HNRNPUL1: variants seen among roughly 807,000 people sequenced by gnomAD.
HNRNPUL1 encodes the protein heterogeneous nuclear ribonucleoprotein U-like protein 1.
Under a neutral mutation model 108.5 loss-of-function variants are expected in HNRNPUL1, and 14 were observed. The ratio of observed to expected loss-of-function variants is 0.13; its 90% CI spans 0.09 to 0.20. The LOEUF (loss-of-function observed/expected upper bound fraction) is 0.20. Among genes scored for constraint, HNRNPUL1 ranks in the 10% least tolerant of loss-of-function variants. The pLI is 1.00. For synonymous variants in HNRNPUL1, 422 were observed against 445.2 expected (o/e 0.95, Z 0.66); for missense variants, 804 against 1,168.3 (o/e 0.69, Z 4.55).
chr19:41,300,443 T>G (rs546332914), intron 10 of HNRNPUL1, among the ~76,000 whole-genome samples: 1 of 152,296 alleles, frequency 6.6e-6, no homozygotes, highest in East Asian at 1.9e-4. Flanking sequence ...TAAAAACTCC[T>G]TACTCCGTTT....
intron 5 of HNRNPUL1, chr19:41,278,478 T>C (rs2035708830): frequency 6.6e-6 from 1 of 152,116 alleles, no homozygotes; most frequent in Non-Finnish European, 1.5e-5. Flanking sequence ...TGTGCACATA[T>C]ATACATCCAA....
chr19:41,284,794 A>G (rs2036117293), intron 7 of HNRNPUL1, among the ~76,000 whole-genome samples: 2 of 152,104 alleles, frequency 1.3e-5, no homozygotes, highest in African/African-American at 2.4e-5. Context: ...TCAGGAGATC[A>G]AGACCATCCT....
Position 41,292,610 on chromosome 19 carries a change from G to A in HNRNPUL1, c.1266+99G>A, listed in dbSNP as rs968642332. Reference sequence around the variant, plus strand: ...CAGACTTGCTGCGAGAGTAGCCTTGGGGCAAGTGGCCACTTTGTCCCAGCT... The same window carrying A: ...CAGACTTGCTGCGAGAGTAGCCTTGAGGCAAGTGGCCACTTTGTCCCAGCT... On this transcript the variant is annotated intron_variant, in intron 8 of 14. Transcript: ENST00000392006. The surrounding 1 kb of genome is among the most constrained non-coding windows in gnomAD (Gnocchi z 4.1). 8 of 1,452,780 alleles carry A rather than the reference G, an allele frequency of 5.5e-6. No individual in the cohort carries two copies. In the African/African-American group the frequency reaches 9.7e-5, roughly 18 times the overall value. The allele number at this position is 1,452,780 out of a possible 1,614,324, so 90.0% of individuals were successfully genotyped here.
chr19:41,279,145 C>G lies in HNRNPUL1; in HGVS notation c.855C>G (p.Gly285=). Residue 285 remains glycine (G), a synonymous_variant, in exon 6 of 15, where the codon GGC becomes GGG. Transcript: ENST00000392006. ...TEPDPHVVRI[G]WSLDSCSTQL... ...CTGACCCCCACGTGGTCCGTATCGG[C>G]TGGTCCCTGGACTCCTGCAGCACCC... The G allele has an allele frequency of 6.2e-7, 1 of 1,613,738 alleles. No homozygotes were observed. The highest frequency in any genetic ancestry group is 1.7e-5 in the Admixed American group (1 of 60,022).
Position 41,292,492 on chromosome 19 carries a change from A to C in HNRNPUL1, c.1247A>C (p.Lys416Thr). Residue 416 changes from lysine (K) to threonine (T), a missense_variant, in exon 8 of 15, where the codon AAG becomes ACG. Lys to Thr is a moderately conservative substitution (Grantham distance 78, BLOSUM62 -1). Around this residue, in one of 4 missense-constraint regions of HNRNPUL1, gnomAD observed 80 missense variants for 221.8 expected, o/e 0.36. Transcript: ENST00000392006. The surrounding 1 kb of genome is among the most constrained non-coding windows in gnomAD (Gnocchi z 4.1). ...SERIRGTVGP[K>T]SKAECEILMM... ...CGTATCCGGGGCACCGTTGGACCAAAGAGCAAGGCAGAATGTGAGGTGAGT... is the reference window on the plus strand; with the variant it reads ...CGTATCCGGGGCACCGTTGGACCAACGAGCAAGGCAGAATGTGAGGTGAGT... 1 of 1,611,406 alleles carries C rather than the reference A, an allele frequency of 6.2e-7. No individual in the cohort carries two copies. Among genetic ancestry groups the C allele is most frequent in the South Asian group, 1.1e-5 (1 of 91,052 alleles).
intron 11 of HNRNPUL1, 150 bp from the exon 12 acceptor site, chr19:41,302,515 G>T (rs766538342): frequency 9.7e-7 from 1 of 1,030,192 alleles, no homozygotes; most frequent in Non-Finnish European, 1.5e-6. Flanking sequence ...CACCGCGCCC[G>T]CCCTTCTGTC....
chr19:41,282,851 G>A (rs1032150286), intron 7 of HNRNPUL1, among the ~76,000 whole-genome samples: 14 of 150,974 alleles, frequency 9.3e-5, no homozygotes, highest in African/African-American at 2.4e-4. Context: ...CACTACGCCC[G>A]GCTAATTTTT....
At chr19:41,303,328 C>T (rs941624270) in intron 12 of HNRNPUL1, among the ~76,000 whole-genome samples, 5 of 151,414 alleles carry the variant, frequency 3.3e-5, no homozygotes, top group South Asian at 4.2e-4. Context: ...TCATGGCTGT[C>T]ACCAGTGCTT....
Position 41,290,424 on chromosome 19 carries a change from A to G in HNRNPUL1, c.1000-1821A>G, listed in dbSNP as rs555784785. ...TTTGAGCAGGCTGCTCCTCTATTCA[A>G]AATAAGTCAGACACTCTGCTCTGCC... On this transcript the variant is annotated intron_variant, in intron 7 of 14. Coordinates refer to ENST00000392006, the MANE Select transcript of HNRNPUL1 (RefSeq NM_007040.6). Among the ~76,000 whole-genome samples the G allele has an allele frequency of 3.7e-4, 56 of 152,342 alleles. 2 individuals are homozygous for G. In the South Asian group the frequency reaches 9.9e-3, roughly 27 times the overall value.
intron 12 of HNRNPUL1, 38 bp downstream of exon 12, chr19:41,302,987 T>C (rs1283279998): frequency 6.6e-7 from 1 of 1,506,322 alleles, no homozygotes; most frequent in Admixed American, 2.3e-5. Flanking sequence ...CACTTTCTGT[T>C]CCCAGGTTGG....
At chr19:41,271,026 A>C (rs770688913) in intron 2 of HNRNPUL1, among the ~76,000 whole-genome samples, 1 of 152,084 alleles carries the variant, frequency 6.6e-6, no homozygotes, top group African/African-American at 2.4e-5. Flanking sequence ...GTGCCTTACT[A>C]TTTGGAAAGC....
chr19:41,306,899 A>G lies in HNRNPUL1; in HGVS notation c.*334A>G. ...TCATACAGTGAGGCTACAGTGACTG[A>G]GGGGAGAATCCCCTCCTGTTCACTC... On this transcript the variant is annotated 3_prime_UTR_variant, in exon 15 of 15. Coordinates refer to ENST00000392006, the MANE Select transcript of HNRNPUL1 (RefSeq NM_007040.6). 1 of 185,734 alleles carries G rather than the reference A, an allele frequency of 5.4e-6. No homozygotes were observed. The highest frequency in any genetic ancestry group is 1.8e-4 in the South Asian group (1 of 5,508). The allele number at this position is 185,734 out of a possible 1,614,324, so 11.5% of individuals were successfully genotyped here.
At chr19:41,265,102 G>A (rs1217801654) in intron 1 of HNRNPUL1, 3 of 1,417,170 alleles carry the variant, frequency 2.1e-6, no homozygotes, top group Non-Finnish European at 2.8e-6. Flanking sequence ...TGGAGCCGAA[G>A]AGAGTCGGAA....
chr19:41,296,316 T>G (rs1352784839), intron 10 of HNRNPUL1, among the ~76,000 whole-genome samples: 1 of 152,218 alleles, frequency 6.6e-6, no homozygotes, highest in African/African-American at 2.4e-5. Flanking sequence ...TCAGCCTTCT[T>G]GGCTGCTGCT....
chr19:41,301,090 A>G (rs546644755), intron 10 of HNRNPUL1, among the ~76,000 whole-genome samples: 49 of 152,354 alleles, frequency 3.2e-4, no homozygotes, highest in African/African-American at 1.1e-3. Flanking sequence ...AAAAAATCAC[A>G]TAGATATTTC....
intron 3 of HNRNPUL1, 156 bp downstream of exon 3, chr19:41,272,391 T>G: frequency 1.3e-6 from 1 of 770,222 alleles, no homozygotes; most frequent in East Asian, 2.7e-5. Flanking sequence ...TGCTACCAGA[T>G]TCAGCTTTCC....
At chr19:41,264,953 C>T (rs2034720452) in intron 1 of HNRNPUL1, 155 bp downstream of exon 1, 2 of 1,339,842 alleles carry the variant, frequency 1.5e-6, no homozygotes, top group African/African-American at 1.5e-5. Flanking sequence ...GACCAGGGCC[C>T]CAGCACGACC....
chr19:41,284,715 C>T lies in HNRNPUL1; in HGVS notation c.999+3440C>T, dbSNP rs536452356. 3.5e-4 allele frequency among the ~76,000 whole-genome samples: 53 copies of T among 151,024 alleles called. 2 individuals are homozygous for T. The South Asian group carries it at 9.9e-3, about 28-fold the overall frequency. On this transcript the variant is annotated intron_variant, in intron 7 of 14. Transcript: ENST00000392006. The stretch of plus-strand genomic sequence containing the variant: ...CAGAGTTGCTATAAGAAAGGCATAC[C>T]TGCCGGGCACGGTGGCTCACGCCTG...
chr19:41,292,326 G>A lies in HNRNPUL1; in HGVS notation c.1081G>A (p.Glu361Lys). ...GGGCATTGCTTTCCGAATCCAGAAG[G>A]AAGCCTTGGGGGGTCAGGCCCTCTA... ...WMGIAFRIQK[E>K]ALGGQALYPH... The change falls in exon 8 of 15, where the codon GAA (glutamate) becomes AAA (lysine). Residue 361 changes from glutamate (E) to lysine (K), a missense_variant. Around this residue, in one of 4 missense-constraint regions of HNRNPUL1, gnomAD observed 174 missense variants for 296.6 expected, o/e 0.59. Transcript: ENST00000392006. The surrounding 1 kb of genome is among the most constrained non-coding windows in gnomAD (Gnocchi z 4.1). 6.2e-7 allele frequency: 1 copy of A among 1,614,218 alleles called. No homozygotes were observed. The highest frequency in any genetic ancestry group is 8.5e-7 in the Non-Finnish European group (1 of 1,180,050).
Sources: gnomAD v4.1 joint callset for allele counts (sites outside exome capture counted in the v4.1 genomes callset) on GRCh38, gnomAD v4.1.1 for gene constraint, gnomAD v4.1.1 regional missense constraint, Gnocchi (gnomAD v3.1) non-coding constraint, MANE v1.5 for transcripts, NCBI Gene and HGNC (gene_info 2026-07-23, HGNC 2026-07-21) for gene names.